PCYT1A: variants seen among roughly 807,000 people sequenced by gnomAD.
The protein encoded by PCYT1A is phosphate cytidylyltransferase 1A, choline.
In PCYT1A, 25 loss-of-function variants were observed where a neutral mutation model predicts 43.7. The observed-to-expected ratio is 0.57, with a 90% CI of 0.42 to 0.80. The LOEUF (loss-of-function observed/expected upper bound fraction) is 0.80. Among genes scored for constraint, PCYT1A ranks in the 30% least tolerant of loss-of-function variants. The pLI, the probability that PCYT1A is intolerant of heterozygous loss-of-function variation, is 0.00. For synonymous variants in PCYT1A, 172 were observed against 170.7 expected (o/e 1.01, Z -0.06); for missense variants, 421 against 474.2 (o/e 0.89, Z 1.04).
chr3:196,248,763 T>TTA (rs1724649954), intron 3 of PCYT1A, among the ~76,000 whole-genome samples: 1 of 150,612 alleles, frequency 6.6e-6, no homozygotes, highest in African/African-American at 2.4e-5. Context: ...TCTTTTTTTT[T>TTA]ATTTTTTTCT....
chr3:196,238,711 T>C lies in PCYT1A; in HGVS notation c.1081A>G (p.Ile361Val). The change falls in exon 9 of 9, where the codon ATC becomes GTC. Residue 361 changes from isoleucine (I) to valine (V), a missense_variant. By Grantham distance (29) the Ile-to-Val change is conservative. Transcript: ENST00000431016. ...CATTAGTCTTCTTCATCCTCACTGATATCATAGGCTGCAGCCTTGTGCCTG... is the reference window on the plus strand; with the variant it reads ...CATTAGTCTTCTTCATCCTCACTGACATCATAGGCTGCAGCCTTGTGCCTG... ...LSRHKAAAYD[I>V]SEDEED The C allele has an allele frequency of 1.3e-6, 2 of 1,572,662 alleles. No homozygotes were observed. Among genetic ancestry groups the C allele is most frequent in the East Asian group, 2.4e-5 (1 of 41,020 alleles).
At position 196,238,666 on chromosome 3, in the gene PCYT1A, A is replaced by C. The variant is rs575772317; in HGVS notation, c.*22T>G. 6.9e-7 allele frequency: 1 copy of C among 1,438,976 alleles called. No homozygotes were observed. Among genetic ancestry groups the C allele is most frequent in the East Asian group, 2.7e-5 (1 of 37,516 alleles). The allele number at this position is 1,438,976 out of a possible 1,614,324, so 89.1% of individuals were successfully genotyped here. A position where few individuals can be genotyped will look rare whatever the true frequency, so the allele number is the denominator to read the frequency against. On this transcript the variant is annotated 3_prime_UTR_variant, in exon 9 of 9. Coordinates refer to ENST00000431016, the MANE Select transcript of PCYT1A (RefSeq NM_001312673.2). The stretch of plus-strand genomic sequence containing the variant: ...GAAGGTAATGGGACAGAAAGGGAGG[A>C]CAGGAAAGGAGGGAGGAAACATTAG...
rs201068098 is a variant in PCYT1A at position 196,247,469 on chromosome 3, G to T, written c.384C>A (p.Asn128Lys). The change falls in exon 5 of 9, where the codon AAC becomes AAA. Residue 128 changes from asparagine (N) to lysine (K), a missense_variant. By Grantham distance (94) the Asn-to-Lys change is moderately conservative. Transcript: ENST00000431016. This position sits in a 1 kb window ranked among gnomAD's most constrained non-coding sequence, Gnocchi z 4.8. ...GGACTGCGTCATAGCGCTCATTCTC[G>T]TTCATCACCGTGAAGCCTTTGAAGT... The part of the protein sequence containing the change: ...THNFKGFTVM[N>K]ENERYDAVQH... The T allele has an allele frequency of 6.2e-7, 1 of 1,614,090 alleles. No homozygotes were observed. The highest frequency in any genetic ancestry group is 8.5e-7 in the Non-Finnish European group (1 of 1,179,956).
rs1252882269 is a variant in PCYT1A at position 196,287,702 on chromosome 3, G to A, written c.-98C>T. On this transcript the variant is annotated 5_prime_UTR_variant, in exon 1 of 9. Transcript: ENST00000431016. Reference sequence around the variant, plus strand: ...CTAGGGAAGTTGAGGAGGTTGCGGGGAGACGCCCGGGGAAGGCAGCTGATG... The same window carrying A: ...CTAGGGAAGTTGAGGAGGTTGCGGGAAGACGCCCGGGGAAGGCAGCTGATG... 6.6e-6 allele frequency: 1 copy of A among 152,258 alleles called. No homozygotes were observed. Among genetic ancestry groups the A allele is most frequent in the Non-Finnish European group, 1.5e-5 (1 of 68,110 alleles). 9.4% of individuals were successfully genotyped at this position (152,258 alleles called of 1,614,324 possible). A position where few individuals can be genotyped will look rare whatever the true frequency, so the allele number is the denominator to read the frequency against.
intron 1 of PCYT1A, among the ~76,000 whole-genome samples, chr3:196,276,538 G>C (rs148853831): frequency 1.3e-5 from 2 of 151,970 alleles, no homozygotes; most frequent in Non-Finnish European, 2.9e-5. Flanking sequence ...GGGAGGCAAA[G>C]GTTGCAGTCA....
intron 1 of PCYT1A, among the ~76,000 whole-genome samples, chr3:196,283,293 T>C (rs1163727426): frequency 1.3e-5 from 2 of 152,126 alleles, no homozygotes; most frequent in Non-Finnish European, 2.9e-5. Flanking sequence ...CACTGCATTC[T>C]AGCCTGGGCA....
chr3:196,242,345 C>T lies in PCYT1A; in HGVS notation c.565+217G>A, dbSNP rs527302699. On this transcript the variant is annotated intron_variant, in intron 6 of 8. Coordinates refer to ENST00000431016, the MANE Select transcript of PCYT1A (RefSeq NM_001312673.2). The surrounding 1 kb of genome is among the most constrained non-coding windows in gnomAD (Gnocchi z 4.2). ...GGTTTCCTGAAATTAAGAGAGATAT[C>T]CAAAGTAGATGTTTAGACCAAGAAT... 1.5e-6 allele frequency: 1 copy of T among 681,250 alleles called. No homozygotes were observed. The highest frequency in any genetic ancestry group is 1.6e-5 in the South Asian group (1 of 62,818). 42.2% of individuals were successfully genotyped at this position (681,250 alleles called of 1,614,324 possible). A position where few individuals can be genotyped will look rare whatever the true frequency, so the allele number is the denominator to read the frequency against.
chr3:196,285,481 A>G (rs1413365289), intron 1 of PCYT1A, among the ~76,000 whole-genome samples: 2 of 149,860 alleles, frequency 1.3e-5, no homozygotes, highest in Non-Finnish European at 3.0e-5. Flanking sequence ...ATAAATAAAT[A>G]AAATAAAAAG....
At chr3:196,248,361 T>C in intron 3 of PCYT1A, 38 bp from the exon 4 acceptor site, 1 of 1,216,450 alleles carries the variant, frequency 8.2e-7, no homozygotes, top group Non-Finnish European at 1.2e-6. Flanking sequence ...AAAAATACCT[T>C]TTTTTTTGTC....
chr3:196,252,637 G>C lies in PCYT1A; in HGVS notation c.218-4314C>G, dbSNP rs566703913. Among the ~76,000 whole-genome samples the C allele has an allele frequency of 6.6e-6, 1 of 152,340 alleles. No homozygotes were observed. Among genetic ancestry groups the C allele is most frequent in the Non-Finnish European group, 1.5e-5 (1 of 68,026 alleles). On this transcript the variant is annotated intron_variant, in intron 3 of 8. Transcript: ENST00000431016. This position sits in a 1 kb window ranked among gnomAD's most constrained non-coding sequence, Gnocchi z 4.0. ...ACTAAGAATTAATTAATGGATTTAAGAGTCAGAAAGGTCATAGCTCAAGCT... is the reference window on the plus strand; with the variant it reads ...ACTAAGAATTAATTAATGGATTTAACAGTCAGAAAGGTCATAGCTCAAGCT...
In PCYT1A at chr3:196,241,879, C is replaced by G. The variant is rs746743814; in HGVS notation, c.708+69G>C. ...AAAGCCAACTGCAAAGCCAGTTCAGCTGAGATGGAGTGGGAGGTGATATGT... is the reference window on the plus strand; with the variant it reads ...AAAGCCAACTGCAAAGCCAGTTCAGGTGAGATGGAGTGGGAGGTGATATGT... On this transcript the variant is annotated intron_variant, in intron 7 of 8. Transcript: ENST00000431016. 1.3e-5 allele frequency: 21 copies of G among 1,569,996 alleles called. 1 individual carries two copies. The South Asian group carries it at 2.3e-4, about 17-fold the overall frequency.
rs1724202490 is a variant in PCYT1A at position 196,237,465 on chromosome 3, G to C, written c.*1223C>G. ...AACCTACCACACTCTTGTCACGTGA[G>C]GGTATGCTCTGTGGCTTGCTGGAGG... On this transcript the variant is annotated 3_prime_UTR_variant, in exon 9 of 9. Transcript: ENST00000431016. The C allele has an allele frequency of 6.6e-6, 1 of 152,250 alleles. No homozygotes were observed. Among genetic ancestry groups the C allele is most frequent in the South Asian group, 2.1e-4 (1 of 4,830 alleles). The allele number at this position is 152,250 out of a possible 1,614,324, so 9.4% of individuals were successfully genotyped here.
intron 1 of PCYT1A, among the ~76,000 whole-genome samples, chr3:196,271,127 C>T (rs1202400298): frequency 2.6e-5 from 4 of 151,984 alleles, no homozygotes; most frequent in Non-Finnish European, 5.9e-5. Context: ...TTAGCTCAAG[C>T]GATCCTCTTG....
intron 1 of PCYT1A, among the ~76,000 whole-genome samples, chr3:196,275,063 GT>G (rs890412336): frequency 1.3e-5 from 2 of 152,102 alleles, no homozygotes; most frequent in African/African-American, 4.8e-5. Flanking sequence ...ATTAATGATT[GT>G]TTTCTAATTT....
intron 1 of PCYT1A, among the ~76,000 whole-genome samples, chr3:196,284,731 A>T (rs1577380270): frequency 6.6e-6 from 1 of 152,226 alleles, no homozygotes; most frequent in Non-Finnish European, 1.5e-5. Flanking sequence ...CCATCATGCT[A>T]GTTTTCAAAG....
rs2108786264 is a variant in PCYT1A, at chr3:196,287,678, T to G, written c.-74A>C. The G allele has an allele frequency of 6.6e-6, 1 of 152,254 alleles. No individual in the cohort carries two copies. The highest frequency in any genetic ancestry group is 2.4e-5 in the African/African-American group (1 of 41,464). The allele number at this position is 152,254 out of a possible 1,614,324, so 9.4% of individuals were successfully genotyped here. On this transcript the variant is annotated 5_prime_UTR_variant, in exon 1 of 9. Transcript: ENST00000431016. ...TTCTGGCCGGCGCCGCGTCACTGAC[T>G]AGGGAAGTTGAGGAGGTTGCGGGGA...
At chr3:196,284,517 C>G (rs1395219881) in intron 1 of PCYT1A, among the ~76,000 whole-genome samples, 1 of 152,204 alleles carries the variant, frequency 6.6e-6, no homozygotes, top group African/African-American at 2.4e-5. Context: ...ATAATGCTTT[C>G]CATACATAGT....
chr3:196,285,883 C>T (rs1022727293), intron 1 of PCYT1A, among the ~76,000 whole-genome samples: 1 of 152,110 alleles, frequency 6.6e-6, no homozygotes, highest in Non-Finnish European at 1.5e-5. Flanking sequence ...CTCTGGAGGT[C>T]ATATCTGCCT....
At chr3:196,272,314 A>T (rs1357291972) in intron 1 of PCYT1A, among the ~76,000 whole-genome samples, 1 of 151,990 alleles carries the variant, frequency 6.6e-6, no homozygotes, top group Non-Finnish European at 1.5e-5. Context: ...CCTCCTGAGT[A>T]GGTGGGATTA....
Sources: allele counts gnomAD v4.1 joint callset (sites outside exome capture counted in the v4.1 genomes callset), GRCh38; gene constraint gnomAD v4.1.1; non-coding constraint Gnocchi (gnomAD v3.1); transcripts MANE v1.5; gene names NCBI Gene and HGNC (gene_info 2026-07-23, HGNC 2026-07-21).